NIPA1: variants seen among roughly 807,000 people sequenced by gnomAD.
NIPA1 encodes the protein NIPA magnesium transporter 1, also known as magnesium transporter NIPA1.
Under a neutral mutation model 23.9 loss-of-function variants are expected in NIPA1, and 13 were observed. That is an observed-to-expected ratio of 0.54 (90% CI 0.35 to 0.87). The LOEUF is 0.87. Ranked by LOEUF, NIPA1 falls within the 40% of genes least tolerant of loss-of-function variation. The pLI is 0.01. For missense variants in NIPA1, 362 were observed against 429.7 expected (o/e 0.84, Z 1.39); for synonymous variants, 234 against 202.9 (o/e 1.15, Z -1.30).
At chr15:22,802,546 C>G (rs1290559867) in intron 1 of NIPA1, among the ~76,000 whole-genome samples, 1 of 152,000 alleles carries the variant, frequency 6.6e-6, no homozygotes, top group Non-Finnish European at 1.5e-5. Context: ...CATTTATCAA[C>G]TATTTCTTGT....
At chr15:22,794,846 G>A (rs1281678428) in intron 1 of NIPA1, among the ~76,000 whole-genome samples, 1 of 152,088 alleles carries the variant, frequency 6.6e-6, no homozygotes, top group Non-Finnish European at 1.5e-5. Flanking sequence ...ATTGCCCCTT[G>A]TGTGTCTCCC....
chr15:22,817,391 C>T (rs1160673102), intron 3 of NIPA1, among the ~76,000 whole-genome samples: 4 of 149,400 alleles, frequency 2.7e-5, no homozygotes, highest in African/African-American at 7.4e-5. Context: ...CCCAGCCACT[C>T]GGGAGGCTGA....
At chr15:22,790,719 G>A (rs971855007) in intron 1 of NIPA1, among the ~76,000 whole-genome samples, 6 of 152,100 alleles carry the variant, frequency 3.9e-5, no homozygotes, top group Non-Finnish European at 7.4e-5. Context: ...TGGCCTTGAT[G>A]AAGCTCTTGT....
At chr15:22,823,645 G>T in intron 4 of NIPA1, 83 bp from the exon 5 acceptor site, 1 of 1,444,474 alleles carries the variant, frequency 6.9e-7, no homozygotes, top group Non-Finnish European at 9.4e-7. Context: ...GCGGGTGGGG[G>T]CCCGGGTGCT....
chr15:22,810,848 A>ACTGGT, intron 2 of NIPA1, 52 bp downstream of exon 2: 1 of 1,403,254 alleles, frequency 7.1e-7, no homozygotes, highest in Non-Finnish European at 1.0e-6. Context: ...AGAATCCATC[A>ACTGGT]CTGGTCTGGG....
chr15:22,821,517 C>T (rs1286747959), intron 4 of NIPA1, among the ~76,000 whole-genome samples: 1 of 151,354 alleles, frequency 6.6e-6, no homozygotes. Context: ...TTTTCTCGTC[C>T]ACACTCACTG....
At chr15:22,816,153 A>T (rs1432330171) in intron 3 of NIPA1, among the ~76,000 whole-genome samples, 1 of 146,312 alleles carries the variant, frequency 6.8e-6, no homozygotes, top group African/African-American at 2.5e-5. Flanking sequence ...GAAGAATTTA[A>T]TTGCCTTTAT....
chr15:22,818,744 T>C (rs1346398544), intron 3 of NIPA1, among the ~76,000 whole-genome samples: 1 of 149,690 alleles, frequency 6.7e-6, no homozygotes, highest in African/African-American at 2.5e-5. Context: ...TTGCAGTGAG[T>C]CGAGACTGCT....
intron 1 of NIPA1, among the ~76,000 whole-genome samples, chr15:22,797,684 G>C (rs1465073033): frequency 1.3e-5 from 2 of 151,426 alleles, no homozygotes; most frequent in African/African-American, 4.9e-5. Flanking sequence ...TGTATTTTTA[G>C]TAGAGTTGAG....
chr15:22,802,850 T>C (rs1034622434), intron 1 of NIPA1, among the ~76,000 whole-genome samples: 1 of 152,190 alleles, frequency 6.6e-6, no homozygotes, highest in South Asian at 2.1e-4. Context: ...GTTTGAAGAT[T>C]CATCGTGATG....
At chr15:22,809,691 G>C (rs1895280517) in intron 1 of NIPA1, among the ~76,000 whole-genome samples, 2 of 150,650 alleles carry the variant, frequency 1.3e-5, no homozygotes, top group Non-Finnish European at 2.9e-5. Flanking sequence ...GTTTCAGTGA[G>C]TCAACATCGC....
intron 2 of NIPA1, among the ~76,000 whole-genome samples, chr15:22,811,213 G>C (rs576827711): frequency 6.6e-6 from 1 of 152,276 alleles, no homozygotes; most frequent in South Asian, 2.1e-4. Flanking sequence ...AATTTCATGA[G>C]TCAAAGATCA....
At chr15:22,819,683 A>G (rs1021057542) in intron 3 of NIPA1, among the ~76,000 whole-genome samples, 11 of 152,020 alleles carry the variant, frequency 7.2e-5, no homozygotes, top group Admixed American at 7.2e-4. Flanking sequence ...TGCATTACTT[A>G]TAATTATTTT....
intron 1 of NIPA1, among the ~76,000 whole-genome samples, chr15:22,788,411 G>C (rs1283968481): frequency 6.6e-6 from 1 of 151,286 alleles, no homozygotes; most frequent in Non-Finnish European, 1.5e-5. Context: ...TGAGGCAGGA[G>C]AGTCTCTTGA....
At chr15:22,806,820 C>G (rs1220767797) in intron 1 of NIPA1, among the ~76,000 whole-genome samples, 1 of 152,150 alleles carries the variant, frequency 6.6e-6, no homozygotes, top group Non-Finnish European at 1.5e-5. Context: ...GAAAATGGAG[C>G]AGCCAACTCA....
chr15:22,814,901 T>C lies in NIPA1; in HGVS notation c.317+2648T>C, dbSNP rs116154975. ...TCTCAGTCTCAGCACTGTTGATGCT[T>C]GAAGCCAGATAACTCTTTGTTGAGG... On this transcript the variant is annotated intron_variant, in intron 3 of 4. Coordinates refer to ENST00000337435, the MANE Select transcript of NIPA1 (RefSeq NM_144599.5). Among the ~76,000 whole-genome samples the C allele has an allele frequency of 3.4e-3, 511 of 152,282 alleles. 3 individuals are homozygous for C. Among genetic ancestry groups the C allele is most frequent in the African/African-American group, 0.012 (493 of 41,556 alleles).
chr15:22,798,268 C>G lies in NIPA1; in HGVS notation c.178+11434C>G, dbSNP rs1364351402. Reference sequence around the variant, plus strand: ...TTTTTTTTTTTTTTGGAGACAGAATCTCGCTCTGTCGCCCAGGCTGGAGTG... The same window carrying G: ...TTTTTTTTTTTTTTGGAGACAGAATGTCGCTCTGTCGCCCAGGCTGGAGTG... On this transcript the variant is annotated intron_variant, in intron 1 of 4. Coordinates refer to ENST00000337435, the MANE Select transcript of NIPA1 (RefSeq NM_144599.5). Among the ~76,000 whole-genome samples the G allele has an allele frequency of 2.1e-5, 3 of 141,900 alleles. No homozygotes were observed. The East Asian group carries it at 6.3e-4, about 30-fold the overall frequency. 93.1% of individuals were successfully genotyped at this position (141,900 alleles called of 152,430 possible). A position where few individuals can be genotyped will look rare whatever the true frequency, so the allele number is the denominator to read the frequency against.
intron 1 of NIPA1, among the ~76,000 whole-genome samples, chr15:22,801,497 C>G (rs896390565): frequency 7.2e-6 from 1 of 138,066 alleles, no homozygotes; most frequent in African/African-American, 2.7e-5. Flanking sequence ...GCAGACAACA[C>G]TTCTAGCGAC....
chr15:22,789,494 C>T (rs546322567), intron 1 of NIPA1, among the ~76,000 whole-genome samples: 11 of 152,122 alleles, frequency 7.2e-5, no homozygotes, highest in Non-Finnish European at 1.6e-4. Context: ...AGCTGAGAGA[C>T]CAGCCGGCGG....
Sources: gnomAD v4.1 joint callset for allele counts (sites outside exome capture counted in the v4.1 genomes callset) on GRCh38, gnomAD v4.1.1 for gene constraint, MANE v1.5 for transcripts, NCBI Gene and HGNC (gene_info 2026-07-23, HGNC 2026-07-21) for gene names.